The following TFEC variants were observed in gnomAD, a reference collection of about 807,000 sequenced individuals.
The protein encoded by TFEC is transcription factor EC, also known as class E basic helix-loop-helix protein 34.
In TFEC, 31 loss-of-function variants were observed where a neutral mutation model predicts 41.6. That is an observed-to-expected ratio of 0.74 (90% CI 0.56 to 1.01). TFEC has a LOEUF of 1.01. TFEC is among the 50% of genes least tolerant of loss of function. TFEC has a pLI of 0.00. For missense variants in TFEC, 402 were observed against 404.1 expected (o/e 0.99, Z 0.04); for synonymous variants, 143 against 140.6 (o/e 1.02, Z -0.12).
chr7:116,142,449 G>T (rs1160213383), intron 1 of TFEC, among the ~76,000 whole-genome samples: 1 of 152,070 alleles, frequency 6.6e-6, no homozygotes, highest in Non-Finnish European at 1.5e-5. Flanking sequence ...CAATTGTACT[G>T]TATGACTCCC....
intron 1 of TFEC, among the ~76,000 whole-genome samples, chr7:115,999,422 A>T (rs1398288458): frequency 1.3e-5 from 2 of 152,082 alleles, no homozygotes; most frequent in Non-Finnish European, 2.9e-5. Context: ...CTAACAATGC[A>T]TCTTAAAGAA....
At chr7:116,133,461 A>G (rs1334484126) in intron 1 of TFEC, among the ~76,000 whole-genome samples, 1 of 151,944 alleles carries the variant, frequency 6.6e-6, no homozygotes, top group African/African-American at 2.4e-5. Context: ...GAGGAACCCC[A>G]CAAAGTGGAC....
intron 3 of TFEC, among the ~76,000 whole-genome samples, chr7:116,039,292 A>C (rs1480793680): frequency 6.6e-6 from 1 of 152,082 alleles, no homozygotes; most frequent in African/African-American, 2.4e-5. Context: ...TTTTACTATA[A>C]GTACAAATAA....
chr7:116,157,162 A>G (rs1177296451), intron 1 of TFEC: 1 of 152,104 alleles, frequency 6.6e-6, no homozygotes, highest in African/African-American at 2.4e-5. Flanking sequence ...CTATATCTCA[A>G]TGCTTTGATA....
intron 3 of TFEC, among the ~76,000 whole-genome samples, chr7:116,103,401 T>C (rs1200475101): frequency 6.6e-6 from 1 of 152,078 alleles, no homozygotes; most frequent in Non-Finnish European, 1.5e-5. Context: ...CTCAAAAAAG[T>C]TGTGAAAGAC....
chr7:116,072,912 G>A (rs73220451), intron 3 of TFEC, among the ~76,000 whole-genome samples: 477 of 151,518 alleles, frequency 3.1e-3, no homozygotes, highest in Non-Finnish European at 4.8e-3. Flanking sequence ...ACAATACAAG[G>A]ATACCCACTC....
upstream of TFEC, among the ~76,000 whole-genome samples, chr7:116,031,957 G>T (rs1413848264): frequency 2.6e-5 from 4 of 152,158 alleles, no homozygotes; most frequent in East Asian, 7.7e-4. Flanking sequence ...AACATTGTGA[G>T]AAAAGAAAAT....
chr7:115,971,864 G>A (rs1793149138), intron 3 of TFEC, among the ~76,000 whole-genome samples: 1 of 152,052 alleles, frequency 6.6e-6, no homozygotes, highest in African/African-American at 2.4e-5. Context: ...ACAAAGGGAT[G>A]CCCACATACA....
chr7:116,081,452 T>G (rs552541300), intron 3 of TFEC, among the ~76,000 whole-genome samples: 1 of 152,160 alleles, frequency 6.6e-6, no homozygotes, highest in South Asian at 2.1e-4. Context: ...CTGCAATCTA[T>G]CTCAGCAATC....
intron 1 of TFEC, chr7:116,157,376 A>T (rs1798891121): frequency 1.3e-5 from 2 of 149,588 alleles, no homozygotes; most frequent in African/African-American, 2.5e-5. Flanking sequence ...TGTTCCAAAA[A>T]AAATAAATAA....
intron 1 of TFEC, among the ~76,000 whole-genome samples, chr7:116,127,197 GC>G (rs1562979268): frequency 6.6e-6 from 1 of 151,826 alleles, no homozygotes; most frequent in Admixed American, 6.6e-5. Flanking sequence ...CTGGGTTCAC[GC>G]CATTCTCCTG....
At chr7:116,131,467 C>A (rs1798330978) in intron 1 of TFEC, among the ~76,000 whole-genome samples, 1 of 152,078 alleles carries the variant, frequency 6.6e-6, no homozygotes, top group African/African-American at 2.4e-5. Flanking sequence ...AAGTTTATAT[C>A]TAGAATAGAT....
intron 3 of TFEC, among the ~76,000 whole-genome samples, chr7:116,107,289 C>T (rs1225522977): frequency 6.6e-6 from 1 of 152,144 alleles, no homozygotes; most frequent in East Asian, 1.9e-4. Context: ...TCCCTCTCTC[C>T]CTACAGCCAT....
intron 1 of TFEC, among the ~76,000 whole-genome samples, chr7:116,131,171 T>A (rs1798324528): frequency 6.6e-6 from 1 of 152,222 alleles, no homozygotes; most frequent in African/African-American, 2.4e-5. Flanking sequence ...TTATTAAATA[T>A]ACAATCTAGT....
chr7:116,134,028 A>G (rs1020967759), intron 1 of TFEC, among the ~76,000 whole-genome samples: 2 of 152,240 alleles, frequency 1.3e-5, no homozygotes, highest in African/African-American at 4.8e-5. Context: ...AGGCCAGTCA[A>G]TCCAGACTAA....
intron 1 of TFEC, among the ~76,000 whole-genome samples, chr7:116,023,083 CAAAA>C (rs10714429): frequency 7.4e-6 from 1 of 135,098 alleles, no homozygotes. Flanking sequence ...GTTCTTCCAG[CAAAA>C]AAAAAAAAAA....
chr7:116,102,416 G>A (rs59922744), intron 3 of TFEC, among the ~76,000 whole-genome samples: 4,336 of 152,266 alleles, frequency 0.028, 221 homozygotes, highest in African/African-American at 0.098. Flanking sequence ...AGGATATGTG[G>A]TAGAGAAAGA....
chr7:116,100,358 G>T (rs550973375), intron 3 of TFEC, among the ~76,000 whole-genome samples: 1 of 152,076 alleles, frequency 6.6e-6, no homozygotes, highest in Non-Finnish European at 1.5e-5. Flanking sequence ...AGAGTAATTT[G>T]TGAAATTTAC....
rs183205377 is a variant in TFEC at position 115,946,650 on chromosome 7, T to A, written c.515+4224A>T. On this transcript the variant is annotated intron_variant, in intron 6 of 7. Transcript: ENST00000265440. The stretch of plus-strand genomic sequence containing the variant: ...TCTCTCTCTCTCTTTATTTTCTTTT[T>A]CTTTCTTTCCTTCCTTCCTTCTTTT... 2.8e-3 allele frequency among the ~76,000 whole-genome samples: 427 copies of A among 150,982 alleles called. 5 individuals are homozygous for A. Among genetic ancestry groups the A allele is most frequent in the African/African-American group, 0.01 (416 of 41,232 alleles).
Sources: gnomAD v4.1 joint callset for allele counts (sites outside exome capture counted in the v4.1 genomes callset) on GRCh38, gnomAD v4.1.1 for gene constraint, MANE v1.5 for transcripts, NCBI Gene and HGNC (gene_info 2026-07-23, HGNC 2026-07-21) for gene names.